Variants in SCN8A observed in about 807,000 individuals in gnomAD.
SCN8A encodes sodium channel protein type 8 subunit alpha.
A neutral mutation model predicts 184.1 loss-of-function variants in SCN8A; 30 were observed. The ratio of observed to expected loss-of-function variants is 0.16; its 90% confidence interval spans 0.12 to 0.22. SCN8A has a LOEUF of 0.22. Ranked by LOEUF, SCN8A falls within the 10% of genes least tolerant of loss-of-function variation. The pLI is 1.00. For missense variants in SCN8A, 1,057 were observed against 2,498.9 expected (o/e 0.42, Z 12.30); for synonymous variants, 852 against 907.0 (o/e 0.94, Z 1.09).
intron 2 of SCN8A, among the ~76,000 whole-genome samples, chr12:51,670,806 G>A (rs181930495): frequency 6.6e-6 from 1 of 152,226 alleles, no homozygotes; most frequent in Non-Finnish European, 1.5e-5. Flanking sequence ...GAGGGTTAAG[G>A]AAGGAATCGA....
chr12:51,699,765 A>G lies in SCN8A; in HGVS notation c.902A>G (p.Asp301Gly), dbSNP rs368726668. The change falls in exon 7 of 27, where the codon GAT becomes GGT. Residue 301 changes from aspartate (D) to glycine (G), a missense_variant. Around this residue, in one of 19 missense-constraint regions of SCN8A, gnomAD observed 26 missense variants for 44.4 expected, o/e 0.59. Coordinates refer to ENST00000627620, the MANE Select transcript of SCN8A (RefSeq NM_001330260.2). ...SYLENGTKGF[D>G]WEEYINNKTN... The stretch of plus-strand genomic sequence containing the variant: ...CTTGAAAATGGCACCAAAGGCTTTG[A>G]TTGGGAAGAGTATATCAACAATAAA... 5 of 1,613,566 alleles carry G rather than the reference A, an allele frequency of 3.1e-6. No individual in the cohort carries two copies. The African/African-American group carries it at 6.7e-5, about 22-fold the overall frequency.
intron 6 of SCN8A, among the ~76,000 whole-genome samples, chr12:51,696,954 G>A (rs1006914777): frequency 1.3e-5 from 2 of 149,836 alleles, no homozygotes; most frequent in South Asian, 2.1e-4. Context: ...CAGGAGAATC[G>A]CTTGAACCCA....
At chr12:51,689,194 A>T (rs761852596) in intron 6 of SCN8A, 98 bp downstream of exon 6, 5 of 911,898 alleles carry the variant, frequency 5.5e-6, no homozygotes, top group Non-Finnish European at 8.5e-6. Context: ...TACAGTTGAT[A>T]ATGGCCTTGC....
chr12:51,671,787 C>T lies in SCN8A; in HGVS notation c.276+8694C>T, dbSNP rs973426289. ...TTTCTTTACATATAACACTATTTGA[C>T]ACAACTTAAGATCAGGATTGTCCCA... On this transcript the variant is annotated intron_variant, in intron 2 of 26. Coordinates refer to ENST00000627620, the MANE Select transcript of SCN8A (RefSeq NM_001330260.2). Among the ~76,000 whole-genome samples, 14 of 152,268 alleles carry T rather than the reference C, an allele frequency of 9.2e-5. 1 individual carries two copies. The highest frequency in any genetic ancestry group is 2.9e-4 in the African/African-American group (12 of 41,540).
intron 10 of SCN8A, 82 bp downstream of exon 10, chr12:51,705,705 C>G: frequency 8.2e-7 from 1 of 1,223,572 alleles, no homozygotes; most frequent in Non-Finnish European, 1.1e-6. Context: ...TGCAGTTGAT[C>G]TTTTCTAGGC....
rs550133841 is a variant in SCN8A at position 51,748,711 on chromosome 12, C to A, written c.2132-2644C>A. 9.2e-5 allele frequency among the ~76,000 whole-genome samples: 14 copies of A among 152,272 alleles called. No individual in the cohort carries two copies. The South Asian group carries it at 1.0e-3, about 11-fold the overall frequency. ...CTATTGCTGCCACTATTTATGTATT[C>A]TTTTATTTAACTGACCAGCATCAAG... On this transcript the variant is annotated intron_variant, in intron 13 of 26. Coordinates refer to ENST00000627620, the MANE Select transcript of SCN8A (RefSeq NM_001330260.2).
At chr12:51,771,302 T>C (rs146745696) in intron 19 of SCN8A, among the ~76,000 whole-genome samples, 134 of 152,280 alleles carry the variant, frequency 8.8e-4, no homozygotes, top group African/African-American at 2.9e-3. Context: ...TTGAATAGTT[T>C]TGAGGACTGC....
chr12:51,777,440 G>T (rs533546069), intron 20 of SCN8A, among the ~76,000 whole-genome samples: 45 of 152,058 alleles, frequency 3.0e-4, no homozygotes, highest in Non-Finnish European at 5.7e-4. Flanking sequence ...CCCTGAATTT[G>T]ATGTCTCCTC....
At chr12:51,776,198 C>T (rs1213810590) in intron 20 of SCN8A, among the ~76,000 whole-genome samples, 1 of 152,128 alleles carries the variant, frequency 6.6e-6, no homozygotes, top group Non-Finnish European at 1.5e-5. Flanking sequence ...CCATGTTGCC[C>T]AGGCTGGTCT....
chr12:51,635,926 C>G (rs1300035261), intron 1 of SCN8A, among the ~76,000 whole-genome samples: 1 of 152,178 alleles, frequency 6.6e-6, no homozygotes, highest in Non-Finnish European at 1.5e-5. Context: ...CACAGCAACC[C>G]AGAAGCCCAC....
chr12:51,766,897 C>G (rs1487511012), intron 16 of SCN8A, among the ~76,000 whole-genome samples: 2 of 152,156 alleles, frequency 1.3e-5, no homozygotes, highest in Non-Finnish European at 2.9e-5. Context: ...AGATCAGGCC[C>G]CTAATCCCAC....
At chr12:51,629,842 G>C (rs1940161054) in intron 1 of SCN8A, among the ~76,000 whole-genome samples, 1 of 152,150 alleles carries the variant, frequency 6.6e-6, no homozygotes, top group Admixed American at 6.6e-5. Flanking sequence ...TGAGGGAGAA[G>C]AGGAGAGAGG....
At chr12:51,686,607 T>G in intron 4 of SCN8A, 150 bp downstream of exon 4, 1 of 629,798 alleles carries the variant, frequency 1.6e-6, no homozygotes, top group East Asian at 2.8e-5. Flanking sequence ...CATGTGGAAT[T>G]TAGGAAATAG....
chr12:51,737,201 A>G lies in SCN8A; in HGVS notation c.1999-8702A>G, dbSNP rs9788057. ...TAATTTAACAATCCGAGTTTTCCCA[A>G]TCCCTATCATTGTAGCAATTTGATC... On this transcript the variant is annotated intron_variant, in intron 12 of 26. Coordinates refer to ENST00000627620, the MANE Select transcript of SCN8A (RefSeq NM_001330260.2). Among the ~76,000 whole-genome samples, 247 of 152,286 alleles carry G rather than the reference A, an allele frequency of 1.6e-3. 2 individuals are homozygous for G. In the East Asian group the frequency reaches 0.019, roughly 12 times the overall value.
intron 19 of SCN8A, among the ~76,000 whole-genome samples, chr12:51,770,973 C>T (rs1441414698): frequency 1.3e-5 from 2 of 152,192 alleles, no homozygotes; most frequent in Admixed American, 6.5e-5. Context: ...TTACCTAATA[C>T]CCCAGATCTC....
chr12:51,745,909 A>G lies in SCN8A; in HGVS notation c.2005A>G (p.Thr669Ala), dbSNP rs932949364. 8 of 1,586,860 alleles carry G rather than the reference A, an allele frequency of 5.0e-6. No homozygotes were observed. The highest frequency in any genetic ancestry group is 6.8e-6 in the Non-Finnish European group (8 of 1,171,344). ...IGGRLLPEAT[T>A]EVEIKKKGPG... is the part of the protein sequence containing the mutation. ...TCTTTTTTTTTTTTTAAAGGCTACA[A>G]CTGAGGTGGAAATTAAGAAGAAAGG... Residue 669 changes from threonine to alanine, a missense_variant, in exon 13 of 27, where the codon ACT becomes GCT. By Grantham distance (58) the Thr-to-Ala change is moderately conservative. Transcript: ENST00000627620.
intron 3 of SCN8A, among the ~76,000 whole-genome samples, chr12:51,684,684 A>G (rs1941391530): frequency 6.6e-6 from 1 of 152,206 alleles, no homozygotes; most frequent in African/African-American, 2.4e-5. Context: ...AAATAGTTGG[A>G]TGAATGCTTT....
chr12:51,673,544 G>T (rs1409981356), intron 2 of SCN8A, among the ~76,000 whole-genome samples: 1 of 152,188 alleles, frequency 6.6e-6, no homozygotes, highest in African/African-American at 2.4e-5. Flanking sequence ...AAAAGTGACC[G>T]TATAGCTTCA....
At chr12:51,761,703 G>T (rs1942764915) in intron 14 of SCN8A, among the ~76,000 whole-genome samples, 1 of 151,878 alleles carries the variant, frequency 6.6e-6, no homozygotes, top group African/African-American at 2.4e-5. Flanking sequence ...TGTCCAGGCT[G>T]GTCTCAAACT....
Sources: gnomAD v4.1 joint callset for allele counts (sites outside exome capture counted in the v4.1 genomes callset) on GRCh38, gnomAD v4.1.1 for gene constraint, gnomAD v4.1.1 regional missense constraint, MANE v1.5 for transcripts, NCBI Gene and HGNC (gene_info 2026-07-23, HGNC 2026-07-21) for gene names.